Variants in ZNF718 observed in about 807,000 individuals in gnomAD.
ZNF718 encodes zinc finger protein 718.
A neutral mutation model predicts 2.6 loss-of-function variants in ZNF718; 3 were observed. That is an observed-to-expected ratio of 1.16 (90% CI 0.53 to 3.01). The LOEUF is 3.01. Ranked by LOEUF, ZNF718 falls within the 30% of genes most tolerant of loss-of-function variation. ZNF718 has a pLI of 0.03. For synonymous variants in ZNF718, 135 were observed against 77.9 expected (o/e 1.73, Z -3.86); for missense variants, 468 against 230.0 (o/e 2.03, Z -6.69).
In ZNF718 at chr4:162,601, G is replaced by C. The variant is rs781895435; in HGVS notation, c.*479G>C. 1 of 153,100 alleles carries C rather than the reference G, an allele frequency of 6.5e-6. No homozygotes were observed. The highest frequency in any genetic ancestry group is 1.5e-5 in the Non-Finnish European group (1 of 68,726). 9.5% of individuals were successfully genotyped at this position (153,100 alleles called of 1,614,324 possible). A position where few individuals can be genotyped will look rare whatever the true frequency, so the allele number is the denominator to read the frequency against. On this transcript the variant is annotated 3_prime_UTR_variant, in exon 4 of 4. Coordinates refer to ENST00000510175, the MANE Select transcript of ZNF718 (RefSeq NM_001039127.6). Reference sequence around the variant, plus strand: ...AGTGAAGAAGAGTATTCTGAAGATAGACAATAGAAATAGTAAGAGGGTTGT... The same window carrying C: ...AGTGAAGAAGAGTATTCTGAAGATACACAATAGAAATAGTAAGAGGGTTGT...
intron 3 of ZNF718, among the ~76,000 whole-genome samples, chr4:196,322 C>G (rs1276830899): frequency 6.6e-6 from 1 of 152,184 alleles, no homozygotes; most frequent in Non-Finnish European, 1.5e-5. Context: ...CTGCCCATGT[C>G]AAGAGCTGTA....
intron 3 of ZNF718, among the ~76,000 whole-genome samples, chr4:182,435 T>TTTAGTTATTTAG (rs1392271027): frequency 6.7e-6 from 1 of 149,852 alleles, no homozygotes; most frequent in African/African-American, 2.5e-5. Flanking sequence ...TATTTATTTA[T>TTTAGTTATTTAG]TTATTTATTT....
In ZNF718 at chr4:139,888, C is replaced by T. The variant is rs954594612; in HGVS notation, c.226+8383C>T. 2.0e-5 allele frequency among the ~76,000 whole-genome samples: 3 copies of T among 152,168 alleles called. No homozygotes were observed. In the East Asian group the frequency reaches 5.8e-4, roughly 29 times the overall value. On this transcript the variant is annotated intron_variant, in intron 3 of 3. Transcript: ENST00000510175. ...TGTGGCCTGTGAAACTAATGGGTTT[C>T]CGTGCAGAGAAGGCTGACTGCCACC...
intron 3 of ZNF718, among the ~76,000 whole-genome samples, chr4:138,528 T>C (rs568431235): frequency 1.2e-4 from 18 of 152,356 alleles, no homozygotes; most frequent in Admixed American, 1.1e-3. Context: ...TGTCCATTCA[T>C]GTAAGGGACA....
intron 3 of ZNF718, among the ~76,000 whole-genome samples, chr4:192,174 G>A (rs888504081): frequency 1.3e-5 from 2 of 152,116 alleles, no homozygotes; most frequent in African/African-American, 2.4e-5. Context: ...GATGGCAAGC[G>A]ATAGCTCAGC....
Position 191,525 on chromosome 4 carries a change from A to C in ZNF718, c.227-9556A>C, listed in dbSNP as rs1717693576. Reference sequence around the variant, plus strand: ...AATACCAAAAATAGCCAAGCCACCTAACATCAAAGAGGAGAACAAATCACT... The same window carrying C: ...AATACCAAAAATAGCCAAGCCACCTCACATCAAAGAGGAGAACAAATCACT... On this transcript the variant is annotated intron_variant and NMD_transcript_variant, in intron 3 of 4. Coordinates refer to the ZNF718 transcript ENST00000642529. Among the ~76,000 whole-genome samples, 5 of 152,154 alleles carry C rather than the reference A, an allele frequency of 3.3e-5. No homozygotes were observed. The South Asian group carries it at 1.0e-3, about 32-fold the overall frequency.
intron 4 of ZNF718, chr4:201,457 A>C (rs7670453): frequency 0.058 from 8,883 of 152,678 alleles, 707 homozygotes; most frequent in African/African-American, 0.18. Flanking sequence ...CTTTCTAATA[A>C]GTCAAGATGT....
intron 3 of ZNF718, among the ~76,000 whole-genome samples, chr4:179,130 T>C (rs1553819480): frequency 6.6e-6 from 1 of 152,200 alleles, no homozygotes; most frequent in African/African-American, 2.4e-5. Flanking sequence ...TGACACCATT[T>C]GTTGGAGAGT....
downstream of ZNF718, among the ~76,000 whole-genome samples, chr4:165,563 C>T (rs1717067060): frequency 6.6e-6 from 1 of 152,150 alleles, no homozygotes. Flanking sequence ...CTCTGGGAAG[C>T]TGAGGTGGGT....
At chr4:138,450 G>C (rs1274124437) in intron 3 of ZNF718, among the ~76,000 whole-genome samples, 2 of 152,144 alleles carry the variant, frequency 1.3e-5, no homozygotes, top group Non-Finnish European at 2.9e-5. Context: ...TGTTGTTGAA[G>C]ATGATGGGAT....
chr4:153,548 A>G (rs1716430886), intron 3 of ZNF718, among the ~76,000 whole-genome samples: 1 of 124,526 alleles, frequency 8.0e-6, no homozygotes, highest in Non-Finnish European at 1.7e-5. Flanking sequence ...ATGAGCATAA[A>G]AATCTTTCAG....
chr4:126,047 A>C (rs1325985001), intron 1 of ZNF718, among the ~76,000 whole-genome samples: 1 of 152,136 alleles, frequency 6.6e-6, no homozygotes, highest in Non-Finnish European at 1.5e-5. Flanking sequence ...CTGTAGCACA[A>C]ACCAGTCCTT....
downstream of ZNF718, among the ~76,000 whole-genome samples, chr4:168,294 T>C (rs573399124): frequency 9.3e-4 from 142 of 152,320 alleles, no homozygotes; most frequent in African/African-American, 3.3e-3. Flanking sequence ...TCATCAGGGA[T>C]ATTGGTCTAA....
At chr4:186,969 G>A (rs1717578497) in intron 3 of ZNF718, among the ~76,000 whole-genome samples, 1 of 152,140 alleles carries the variant, frequency 6.6e-6, no homozygotes, top group African/African-American at 2.4e-5. Context: ...GCAGTCATTT[G>A]GAGAACATGG....
chr4:186,397 T>A (rs1361443371), intron 3 of ZNF718, among the ~76,000 whole-genome samples: 1 of 152,156 alleles, frequency 6.6e-6, no homozygotes, highest in African/African-American at 2.4e-5. Context: ...CTGACCATTC[T>A]CTCTGGCTGC....
At chr4:124,481 C>A, upstream of ZNF718, 1 of 681,970 alleles carries the variant, frequency 1.5e-6, no homozygotes, top group South Asian at 1.6e-5. Flanking sequence ...GAGGAGGGTG[C>A]GGCATCCGGG....
At chr4:201,300 T>A (rs1553822755) in intron 4 of ZNF718, 4 of 152,494 alleles carry the variant, frequency 2.6e-5, no homozygotes, top group Non-Finnish European at 5.9e-5. Context: ...GTAAAACTAC[T>A]GACACCAATA....
intron 3 of ZNF718, among the ~76,000 whole-genome samples, chr4:148,090 G>T (rs1444308655): frequency 2.6e-5 from 4 of 152,140 alleles, no homozygotes; most frequent in Admixed American, 2.0e-4. Flanking sequence ...TCTGTTTCTG[G>T]GTTCACGGCA....
At chr4:147,725 G>A (rs1467407799) in intron 3 of ZNF718, among the ~76,000 whole-genome samples, 1 of 152,126 alleles carries the variant, frequency 6.6e-6, no homozygotes, top group Non-Finnish European at 1.5e-5. Context: ...TTAGCCAGTC[G>A]TGGCAGTGTG....
Sources: gnomAD v4.1 joint callset for allele counts (sites outside exome capture counted in the v4.1 genomes callset) on GRCh38, gnomAD v4.1.1 for gene constraint, MANE v1.5 for transcripts, NCBI Gene and HGNC (gene_info 2026-07-23, HGNC 2026-07-21) for gene names.